PIGBOS1: variants seen among roughly 807,000 people sequenced by gnomAD.
PIGBOS1 encodes the protein PIGB opposite strand 1, also known as protein PIGBOS1.
At chr15:55,318,340 G>A (rs901706155) in intron 1 of PIGBOS1, among the ~76,000 whole-genome samples, 1 of 150,598 alleles carries the variant, frequency 6.6e-6, no homozygotes, top group Non-Finnish European at 1.5e-5. Context: ...CTCCTGATCC[G>A]CCCGTCTTGG....
intron 1 of PIGBOS1, among the ~76,000 whole-genome samples, 152 bp downstream of exon 1, chr15:55,318,712 A>C (rs1345007619): frequency 9.5e-6 from 1 of 105,584 alleles, no homozygotes; most frequent in Non-Finnish European, 1.7e-5. Flanking sequence ...AAAAAAAAAA[A>C]CAAAAACAAA....
rs2055055902 is a variant in PIGBOS1 at position 55,317,439 on chromosome 15, C to T, written c.*189G>A. On this transcript the variant is annotated 3_prime_UTR_variant, in exon 2 of 2. Transcript: ENST00000436697. Reference sequence around the variant, plus strand: ...AAGTGATGCTCCTGCCTCAGCCTCCCAAGTAGCTGGGATTACAGGCGCATG... The same window carrying T: ...AAGTGATGCTCCTGCCTCAGCCTCCTAAGTAGCTGGGATTACAGGCGCATG... 3.9e-6 allele frequency: 1 copy of T among 255,120 alleles called. No individual in the cohort carries two copies. Among genetic ancestry groups the T allele is most frequent in the Non-Finnish European group, 7.4e-6 (1 of 135,190 alleles). The allele number at this position is 255,120 out of a possible 1,614,324, so 15.8% of individuals were successfully genotyped here. A position where few individuals can be genotyped will look rare whatever the true frequency, so the allele number is the denominator to read the frequency against.
rs1290876478 is a variant in PIGBOS1 at position 55,317,592 on chromosome 15, C to T, written c.*36G>A. ...CCTCCCAAAGTGCTGGGATTACAGG[C>T]GTGAGCCACTGCGCCAGGCCTAACT... On this transcript the variant is annotated 3_prime_UTR_variant, in exon 2 of 2. Transcript: ENST00000436697. 7 of 393,786 alleles carry T rather than the reference C, an allele frequency of 1.8e-5. No individual in the cohort carries two copies. The South Asian group carries it at 7.8e-4, about 44-fold the overall frequency. The allele number at this position is 393,786 out of a possible 1,614,324, so 24.4% of individuals were successfully genotyped here. A position where few individuals can be genotyped will look rare whatever the true frequency, so the allele number is the denominator to read the frequency against.
At chr15:55,317,892 G>A (rs551118119) in intron 1 of PIGBOS1, 25 bp from the exon 2 acceptor site, 2 of 390,764 alleles carry the variant, frequency 5.1e-6, no homozygotes, top group Non-Finnish European at 9.0e-6. Flanking sequence ...GGAAAGCAAA[G>A]CCATCACTTA....
chr15:55,317,687 G>A lies in PIGBOS1; in HGVS notation c.106C>T (p.Gln36Ter). The change falls in exon 2 of 2, where the codon CAG (glutamine) becomes TAG (stop). Residue 36 changes from glutamine to a stop codon, truncating the protein, a stop_gained. Coordinates refer to ENST00000436697, the MANE Select transcript of PIGBOS1 (RefSeq NM_001308421.2). LOFTEE classifies it high-confidence loss of function. ...QPVFEQYAKDQKELKEKMQLV... is the reference protein window; with the variant it reads ...QPVFEQYAKD ...TGCATCTTTTCTTTTAATTCCTTCTGATCTTTGGCATACTGTTCAAATACT... is the reference window on the plus strand; with the variant it reads ...TGCATCTTTTCTTTTAATTCCTTCTAATCTTTGGCATACTGTTCAAATACT... The A allele has an allele frequency of 2.5e-6, 1 of 398,530 alleles. No individual in the cohort carries two copies. The highest frequency in any genetic ancestry group is 4.4e-6 in the Non-Finnish European group (1 of 226,080). The allele number at this position is 398,530 out of a possible 1,614,324, so 24.7% of individuals were successfully genotyped here. A position where few individuals can be genotyped will look rare whatever the true frequency, so the allele number is the denominator to read the frequency against.
chr15:55,318,531 C>G (rs1166418667), intron 1 of PIGBOS1, among the ~76,000 whole-genome samples: 2 of 150,840 alleles, frequency 1.3e-5, no homozygotes, highest in Non-Finnish European at 3.0e-5. Context: ...GGTGAAACCC[C>G]GTCTCTACAA....
chr15:55,317,707 A>G lies in PIGBOS1; in HGVS notation c.86T>C (p.Phe29Ser), dbSNP rs2141150272. ...CTTCTGATCTTTGGCATACTGTTCA[A>G]ATACTGGTTGAAAAATATATACTCC... ...AGGVYIFQPV[F>S]EQYAKDQKEL... Residue 29 changes from phenylalanine to serine, a missense_variant, in exon 2 of 2, where the codon TTT becomes TCT. Coordinates refer to ENST00000436697, the MANE Select transcript of PIGBOS1 (RefSeq NM_001308421.2). 5.0e-6 allele frequency: 2 copies of G among 398,628 alleles called. No homozygotes were observed. Among genetic ancestry groups the G allele is most frequent in the East Asian group, 7.1e-5 (2 of 28,082 alleles). The allele number at this position is 398,628 out of a possible 1,614,324, so 24.7% of individuals were successfully genotyped here.
At chr15:55,318,725 C>CAA (rs113104171) in intron 1 of PIGBOS1, 139 bp downstream of exon 1, 6,591 of 144,734 alleles carry the variant, frequency 0.046, 214 homozygotes, top group Middle Eastern at 0.057. Context: ...AAAACAAAAA[C>CAA]AAAAAAAAAA....
In PIGBOS1 at chr15:55,319,052, G is replaced by C. The variant is rs909094603; in HGVS notation, c.-264C>G. ...GCACAGAGACCGCCAAGCCAAAGGC[G>C]AGTAGCAATCCCTCGGTTCGGAAAC... On this transcript the variant is annotated 5_prime_UTR_variant, in exon 1 of 2. Transcript: ENST00000436697. 8.4e-5 allele frequency: 52 copies of C among 615,724 alleles called. 1 individual carries two copies. The South Asian group carries it at 1.1e-3, about 13-fold the overall frequency. 38.1% of individuals were successfully genotyped at this position (615,724 alleles called of 1,614,324 possible).
rs34473609 is a variant in PIGBOS1, at chr15:55,317,367, T to G, written c.*261A>C. 9,131 of 198,760 alleles carry G rather than the reference T, an allele frequency of 0.046. 307 individuals carry two copies. Among genetic ancestry groups the G allele is most frequent in the Middle Eastern group, 0.074 (41 of 556 alleles). 12.3% of individuals were successfully genotyped at this position (198,760 alleles called of 1,614,324 possible). A position where few individuals can be genotyped will look rare whatever the true frequency, so the allele number is the denominator to read the frequency against. On this transcript the variant is annotated 3_prime_UTR_variant, in exon 2 of 2. Coordinates refer to ENST00000436697, the MANE Select transcript of PIGBOS1 (RefSeq NM_001308421.2). ...TCTCGCTCTGTCACCCAGGCTGGAGTGCAGCAGCGTGATCTTGACTCACTG... is the reference window on the plus strand; with the variant it reads ...TCTCGCTCTGTCACCCAGGCTGGAGGGCAGCAGCGTGATCTTGACTCACTG...
chr15:55,317,304 T>A lies in PIGBOS1; in HGVS notation c.*324A>T. On this transcript the variant is annotated 3_prime_UTR_variant, in exon 2 of 2. Transcript: ENST00000436697. ...TATTACAGTTCATCTCCATGAGGTA[T>A]TTGTGGGTTTTTTTGCTTTTTGTTT... 6.3e-6 allele frequency: 1 copy of A among 158,706 alleles called. No homozygotes were observed. The highest frequency in any genetic ancestry group is 1.4e-5 in the Non-Finnish European group (1 of 72,448). The allele number at this position is 158,706 out of a possible 1,614,324, so 9.8% of individuals were successfully genotyped here.
At chr15:55,318,130 C>T (rs1303303704) in intron 1 of PIGBOS1, among the ~76,000 whole-genome samples, 5 of 147,500 alleles carry the variant, frequency 3.4e-5, no homozygotes, top group Non-Finnish European at 6.0e-5. Context: ...CGGAGTCTCG[C>T]TCTGTCGCCC....
chr15:55,317,991 T>C, intron 1 of PIGBOS1, 124 bp from the exon 2 acceptor site: 1 of 337,018 alleles, frequency 3.0e-6, no homozygotes, highest in Non-Finnish European at 5.3e-6. Context: ...AAAACAAGAA[T>C]ATAAATACAT....
rs2055063147 is a variant in PIGBOS1, at chr15:55,317,807, C to A, written c.-15G>T. 2.5e-6 allele frequency: 1 copy of A among 397,724 alleles called. No individual in the cohort carries two copies. The highest frequency in any genetic ancestry group is 4.4e-6 in the Non-Finnish European group (1 of 225,460). The allele number at this position is 397,724 out of a possible 1,614,324, so 24.6% of individuals were successfully genotyped here. A position where few individuals can be genotyped will look rare whatever the true frequency, so the allele number is the denominator to read the frequency against. On this transcript the variant is annotated 5_prime_UTR_variant, in exon 2 of 2. Transcript: ENST00000436697. Reference sequence around the variant, plus strand: ...CTCCTAAACATTGCTGCAACAAATACAGCTCAAGGAAAAGCTGGTTTTGGA... The same window carrying A: ...CTCCTAAACATTGCTGCAACAAATAAAGCTCAAGGAAAAGCTGGTTTTGGA...
chr15:55,318,210 A>T (rs1465867994), intron 1 of PIGBOS1, among the ~76,000 whole-genome samples: 2 of 147,808 alleles, frequency 1.4e-5, no homozygotes, highest in Non-Finnish European at 3.0e-5. Context: ...CCATTCTCCT[A>T]CCTCAGCCTC....
At chr15:55,317,990 A>C (rs1161741166) in intron 1 of PIGBOS1, 123 bp from the exon 2 acceptor site, 3 of 340,484 alleles carry the variant, frequency 8.8e-6, no homozygotes, top group Non-Finnish European at 1.6e-5. Flanking sequence ...TAAAACAAGA[A>C]TATAAATACA....
chr15:55,318,377 G>A (rs1327253993), intron 1 of PIGBOS1, among the ~76,000 whole-genome samples: 1 of 150,170 alleles, frequency 6.7e-6, no homozygotes, highest in Non-Finnish European at 1.5e-5. Context: ...GAATACAGGC[G>A]TGAGCCACCG....
Position 55,318,731 on chromosome 15 carries a change from A to C in PIGBOS1, c.-76+133T>G, listed in dbSNP as rs565906813. ...AAAAAAACAAAAACAAAAACAAAAA[A>C]AAAACCTAACAACAGCAACAACAAC... On this transcript the variant is annotated intron_variant, in intron 1 of 1. Coordinates refer to ENST00000436697, the MANE Select transcript of PIGBOS1 (RefSeq NM_001308421.2). 227 of 151,366 alleles carry C rather than the reference A, an allele frequency of 1.5e-3. 2 individuals are homozygous for C. The highest frequency in any genetic ancestry group is 6.9e-3 in the South Asian group (33 of 4,794). 9.4% of individuals were successfully genotyped at this position (151,366 alleles called of 1,614,324 possible).
chr15:55,317,938 T>C (rs1465364582), intron 1 of PIGBOS1, 71 bp from the exon 2 acceptor site: 4 of 383,158 alleles, frequency 1.0e-5, no homozygotes, highest in Admixed American at 4.5e-5. Context: ...ATGTCACTAC[T>C]TTGCACTGGA....
Sources: allele counts gnomAD v4.1 joint callset (sites outside exome capture counted in the v4.1 genomes callset), GRCh38; gene constraint gnomAD v4.1.1; transcripts MANE v1.5; gene names NCBI Gene and HGNC (gene_info 2026-07-23, HGNC 2026-07-21).